PALLD: variants seen among roughly 807,000 people sequenced by gnomAD.
The protein encoded by PALLD is palladin.
A neutral mutation model predicts 123.5 loss-of-function variants in PALLD; 61 were observed. The observed-to-expected ratio is 0.49, with a 90% CI of 0.40 to 0.61. The LOEUF is 0.61. Ranked by LOEUF, PALLD falls within the 20% of genes least tolerant of loss-of-function variation. The probability of loss-of-function intolerance (pLI) is 0.00; values close to 1 mark genes in which losing one functional copy is unlikely to be tolerated. For missense variants in PALLD, 1,273 were observed against 1,377.0 expected (o/e 0.92, Z 1.20); for synonymous variants, 465 against 496.4 (o/e 0.94, Z 0.84).
chr4:168,542,207 T>C (rs1465613542), intron 2 of PALLD, among the ~76,000 whole-genome samples: 2 of 152,146 alleles, frequency 1.3e-5, no homozygotes, highest in African/African-American at 2.4e-5. Context: ...TGTCCAAGAC[T>C]CTAGCCTGAG....
chr4:168,703,692 C>T (rs112075563), intron 8 of PALLD, among the ~76,000 whole-genome samples: 13,305 of 129,078 alleles, frequency 0.1, 666 homozygotes, highest in East Asian at 0.22. Flanking sequence ...TGTCTTTTGG[C>T]TGCATAAATG....
At chr4:168,520,905 T>C (rs775356174) in intron 2 of PALLD, among the ~76,000 whole-genome samples, 3 of 152,194 alleles carry the variant, frequency 2.0e-5, no homozygotes, top group Non-Finnish European at 4.4e-5. Context: ...GAAGTTTGAA[T>C]TGGTTATGAC....
rs1243583608 is a variant in PALLD, at chr4:168,844,557, CTG to C, written c.1965-46362_1965-46361del. 1 of 152,184 alleles carries C rather than the reference CTG, an allele frequency of 6.6e-6. No individual in the cohort carries two copies. The highest frequency in any genetic ancestry group is 1.5e-5 in the Non-Finnish European group (1 of 68,042). 9.4% of individuals were successfully genotyped at this position (152,184 alleles called of 1,614,324 possible). A position where few individuals can be genotyped will look rare whatever the true frequency, so the allele number is the denominator to read the frequency against. ...CCAAGTCCCAGTCGCTCGTCAAAAACTGTGCCATCAGCGCAAGACCCTGTGAT... is the reference window on the plus strand; with the variant it reads ...CCAAGTCCCAGTCGCTCGTCAAAAACTGCCATCAGCGCAAGACCCTGTGAT... On this transcript the variant is annotated intron_variant, in intron 10 of 21. Coordinates refer to ENST00000505667, the MANE Select transcript of PALLD (RefSeq NM_001166108.2). This position sits in a 1 kb window ranked among gnomAD's most constrained non-coding sequence, Gnocchi z 4.5.
rs1324129181 is a variant in PALLD at position 168,927,537 on chromosome 4, T to A, written c.*1357T>A. The A allele has an allele frequency of 1.3e-5, 3 of 231,148 alleles. No individual in the cohort carries two copies. The highest frequency in any genetic ancestry group is 1.1e-4 in the Admixed American group (2 of 17,706). 14.3% of individuals were successfully genotyped at this position (231,148 alleles called of 1,614,324 possible). On this transcript the variant is annotated 3_prime_UTR_variant, in exon 22 of 22. Coordinates refer to ENST00000505667, the MANE Select transcript of PALLD (RefSeq NM_001166108.2). ...ATGAGAAATTGCCTGTAGCATCTAG[T>A]CTACTTGAAGGAAGTGGAGACATAA...
At chr4:168,835,599 T>C (rs888301963) in intron 10 of PALLD, among the ~76,000 whole-genome samples, 2 of 150,948 alleles carry the variant, frequency 1.3e-5, no homozygotes, top group African/African-American at 4.9e-5. Context: ...ATTTAAGGGA[T>C]TTTTTTTAAA....
At chr4:168,805,733 C>T (rs1459082435) in intron 10 of PALLD, among the ~76,000 whole-genome samples, 2 of 152,154 alleles carry the variant, frequency 1.3e-5, no homozygotes, top group African/African-American at 4.8e-5. Flanking sequence ...TGTTTTACCT[C>T]CTGGTAAGTT....
intron 10 of PALLD, among the ~76,000 whole-genome samples, chr4:168,772,377 C>T (rs908975385): frequency 6.6e-6 from 1 of 152,142 alleles, no homozygotes; most frequent in East Asian, 1.9e-4. Flanking sequence ...TCATTGTACA[C>T]CTCCCCTTAC....
intron 1 of PALLD, among the ~76,000 whole-genome samples, chr4:168,501,386 C>T (rs530818125): frequency 6.6e-6 from 1 of 152,118 alleles, no homozygotes; most frequent in East Asian, 1.9e-4. Flanking sequence ...CGCACTACTA[C>T]AGCAGGGGCA....
intron 10 of PALLD, chr4:168,829,333 G>A (rs1743869483): frequency 6.6e-6 from 1 of 152,136 alleles, no homozygotes. Context: ...TTCTTTTGCT[G>A]TCTCCTCAGA....
intron 10 of PALLD, chr4:168,877,804 G>A (rs1308185723): frequency 5.6e-6 from 7 of 1,242,080 alleles, no homozygotes; most frequent in Non-Finnish European, 6.0e-6. Context: ...CGCCAGCCCC[G>A]CGCAGCGCGC....
chr4:168,742,387 AG>A (rs1207559883), intron 10 of PALLD, among the ~76,000 whole-genome samples: 2 of 152,210 alleles, frequency 1.3e-5, no homozygotes, highest in Admixed American at 6.5e-5. Flanking sequence ...AATTTATCCC[AG>A]GGAAGGAATA....
At chr4:168,771,259 G>A (rs181937807) in intron 10 of PALLD, among the ~76,000 whole-genome samples, 27 of 152,230 alleles carry the variant, frequency 1.8e-4, no homozygotes, top group Admixed American at 9.2e-4. Context: ...AAACAAAAGT[G>A]TGTGAATACC....
chr4:168,624,583 C>T (rs367692770), intron 2 of PALLD, among the ~76,000 whole-genome samples: 4 of 151,974 alleles, frequency 2.6e-5, no homozygotes, highest in Non-Finnish European at 1.5e-5. Context: ...TAACATCATA[C>T]TAGACCTAAT....
At chr4:168,749,172 A>G (rs1406788428) in intron 10 of PALLD, among the ~76,000 whole-genome samples, 1 of 152,120 alleles carries the variant, frequency 6.6e-6, no homozygotes, top group African/African-American at 2.4e-5. Context: ...TGCTCTCACC[A>G]TGTGACCTGC....
intron 10 of PALLD, among the ~76,000 whole-genome samples, chr4:168,862,345 A>G (rs1352387476): frequency 1.3e-5 from 2 of 151,446 alleles, no homozygotes; most frequent in Non-Finnish European, 2.9e-5. Flanking sequence ...ACGAGGTTTC[A>G]CTGTGTTGCC....
chr4:168,863,060 G>A (rs950774283), intron 10 of PALLD, among the ~76,000 whole-genome samples: 2 of 152,114 alleles, frequency 1.3e-5, no homozygotes, highest in Admixed American at 6.5e-5. Flanking sequence ...AATGACTATC[G>A]CTTTGAAGGT....
At chr4:168,710,967 CTG>C (rs57899993) in intron 9 of PALLD, among the ~76,000 whole-genome samples, 12,926 of 152,132 alleles carry the variant, frequency 0.085, 1,147 homozygotes, top group East Asian at 0.33. Flanking sequence ...CTCTGCTGGG[CTG>C]TGTGGGCAAG....
chr4:168,649,083 A>G (rs1777777064), intron 2 of PALLD, among the ~76,000 whole-genome samples: 1 of 152,252 alleles, frequency 6.6e-6, no homozygotes, highest in East Asian at 1.9e-4. Context: ...ACTTTGACTC[A>G]GCAGAGCCAA....
At chr4:168,793,890 T>G (rs1416807910) in intron 10 of PALLD, among the ~76,000 whole-genome samples, 2 of 152,154 alleles carry the variant, frequency 1.3e-5, no homozygotes, top group Non-Finnish European at 2.9e-5. Context: ...TCTTGTCTGG[T>G]TCAGTCATCT....
Sources: gnomAD v4.1 joint callset for allele counts (sites outside exome capture counted in the v4.1 genomes callset) on GRCh38, gnomAD v4.1.1 for gene constraint, Gnocchi (gnomAD v3.1) non-coding constraint, MANE v1.5 for transcripts, NCBI Gene and HGNC (gene_info 2026-07-23, HGNC 2026-07-21) for gene names.